Variants in DICER1 observed in about 807,000 individuals in gnomAD.
DICER1 encodes the protein dicer 1, ribonuclease III, also known as endoribonuclease Dicer.
Under a neutral mutation model 194.1 loss-of-function variants are expected in DICER1, and 43 were observed. That is an observed-to-expected ratio of 0.22 (90% CI 0.17 to 0.29). The LOEUF (loss-of-function observed/expected upper bound fraction) is 0.29. Among genes scored for constraint, DICER1 ranks in the 10% least tolerant of loss-of-function variants. The pLI is 1.00. For missense variants in DICER1, 1,608 were observed against 2,317.0 expected, an observed-to-expected ratio of 0.69 and a Z score of 6.28; for synonymous variants, 832 against 820.5, an observed-to-expected ratio of 1.01 and a Z score of -0.24.
At chr14:95,145,900 A>C (rs899542777) in intron 1 of DICER1, among the ~76,000 whole-genome samples, 1 of 152,172 alleles carries the variant, frequency 6.6e-6, no homozygotes, top group African/African-American at 2.4e-5. Flanking sequence ...CACAAAAAAA[A>C]CTTCATATAG....
chr14:95,132,493 T>A, intron 3 of DICER1, 22 bp downstream of exon 3: 1 of 1,612,864 alleles, frequency 6.2e-7, no homozygotes, highest in Non-Finnish European at 8.5e-7. Flanking sequence ...CTGCACAACT[T>A]GATAAAATAA....
chr14:95,114,985 G>A (rs1483930822), intron 11 of DICER1, among the ~76,000 whole-genome samples: 1 of 152,164 alleles, frequency 6.6e-6, no homozygotes, highest in Admixed American at 6.5e-5. Context: ...TGTGACAACA[G>A]GAGTTGAGGA....
chr14:95,107,574 T>C, intron 17 of DICER1, 34 bp downstream of exon 17: 2 of 1,611,126 alleles, frequency 1.2e-6, no homozygotes, highest in Admixed American at 3.3e-5. Context: ...AAACAAAGTA[T>C]CACCACCATT....
chr14:95,153,200 T>C (rs959427749), intron 1 of DICER1, among the ~76,000 whole-genome samples: 2 of 147,488 alleles, frequency 1.4e-5, no homozygotes, highest in African/African-American at 2.6e-5. Context: ...CTGGGCAACG[T>C]AGTGAGACTC....
At chr14:95,112,917 T>G (rs1175247638) in intron 12 of DICER1, among the ~76,000 whole-genome samples, 175 bp downstream of exon 12, 1 of 152,246 alleles carries the variant, frequency 6.6e-6, no homozygotes, top group African/African-American at 2.4e-5. Flanking sequence ...AAATCTACTT[T>G]TGAAAGTAAA....
chr14:95,105,977 G>A lies in DICER1; in HGVS notation c.2987+64C>T. On this transcript the variant is annotated intron_variant, in intron 18 of 26. Coordinates refer to ENST00000343455, the MANE Select transcript of DICER1 (RefSeq NM_177438.3). This position sits in a 1 kb window ranked among gnomAD's most constrained non-coding sequence, Gnocchi z 4.9. ...GCAGGGGGACAGTGAACCTCTGCAT[G>A]TCTAGTGATGTCTGGTAAGAATCCC... The A allele has an allele frequency of 2.6e-6, 4 of 1,555,284 alleles. No individual in the cohort carries two copies. The highest frequency in any genetic ancestry group is 2.2e-5 in the South Asian group (2 of 89,488).
At chr14:95,109,066 G>A (rs980527531) in intron 14 of DICER1, among the ~76,000 whole-genome samples, 2 of 152,102 alleles carry the variant, frequency 1.3e-5, no homozygotes, top group Non-Finnish European at 2.9e-5. Context: ...TGTATATTAG[G>A]GTATGTGTGT....
In DICER1 at chr14:95,093,744, C is replaced by A. The variant is rs141577658; in HGVS notation, c.5364+144G>T. 9.5e-3 allele frequency: 8,417 copies of A among 887,104 alleles called. 62 individuals are homozygous for A. The highest frequency in any genetic ancestry group is 0.016 in the South Asian group (1,226 of 75,388). 55.0% of individuals were successfully genotyped at this position (887,104 alleles called of 1,614,324 possible). A position where few individuals can be genotyped will look rare whatever the true frequency, so the allele number is the denominator to read the frequency against. Reference sequence around the variant, plus strand: ...GCCTACCTGCAAACTGCAGTTCACTCGTGCTCCCACAGAACACAGCACACT... The same window carrying A: ...GCCTACCTGCAAACTGCAGTTCACTAGTGCTCCCACAGAACACAGCACACT... On this transcript the variant is annotated intron_variant, in intron 24 of 26. Transcript: ENST00000343455.
At chr14:95,117,200 G>GT (rs879940261) in intron 9 of DICER1, among the ~76,000 whole-genome samples, 185 of 142,070 alleles carry the variant, frequency 1.3e-3, no homozygotes, top group Admixed American at 3.7e-3. Flanking sequence ...ATATAGTGCT[G>GT]TTTTTTTTTT....
chr14:95,103,918 A>G lies in DICER1; in HGVS notation c.3478T>C (p.Ser1160Pro). 2 of 1,614,130 alleles carry G rather than the reference A, an allele frequency of 1.2e-6. No individual in the cohort carries two copies. The highest frequency in any genetic ancestry group is 1.7e-6 in the Non-Finnish European group (2 of 1,180,028). The change falls in exon 21 of 27, where the codon TCC becomes CCC. Residue 1160 changes from serine to proline, a missense_variant. Ser to Pro is a moderately conservative substitution (Grantham distance 74). Transcript: ENST00000343455. ...SVNCRTLLSESPGKLHVEVSA... is the reference protein window; with the variant it reads ...SVNCRTLLSEPPGKLHVEVSA... ...ACTTCAACGTGGAGCTTACCAGGGG[A>G]CTCGCTGAGCAACGTTCTGCAGTTC...
In DICER1 at chr14:95,105,003, T is replaced by A. The variant is rs563264274; in HGVS notation, c.3269+68A>T. The A allele has an allele frequency of 6.9e-7, 1 of 1,444,576 alleles. No individual in the cohort carries two copies. The highest frequency in any genetic ancestry group is 1.2e-5 in the South Asian group (1 of 86,854). The allele number at this position is 1,444,576 out of a possible 1,614,324, so 89.5% of individuals were successfully genotyped here. ...GAATTATTTTATATACAATTTTAAC[T>A]TAATTCTGTTCTTTTGCAAACAGGA... On this transcript the variant is annotated intron_variant, in intron 20 of 26. Coordinates refer to ENST00000343455, the MANE Select transcript of DICER1 (RefSeq NM_177438.3). The surrounding 1 kb of genome is among the most constrained non-coding windows in gnomAD (Gnocchi z 4.9).
chr14:95,133,486 T>C lies in DICER1; in HGVS notation c.-28A>G. On this transcript the variant is annotated 5_prime_UTR_variant, in exon 2 of 27. Coordinates refer to ENST00000343455, the MANE Select transcript of DICER1 (RefSeq NM_177438.3). Reference sequence around the variant, plus strand: ...ATCCAGTGTTTCTTTCATTGCATTTTTGTTCTAGCACAGCTTACTACAAAA... The same window carrying C: ...ATCCAGTGTTTCTTTCATTGCATTTCTGTTCTAGCACAGCTTACTACAAAA... 6.2e-7 allele frequency: 1 copy of C among 1,601,194 alleles called. No individual in the cohort carries two copies. Among genetic ancestry groups the C allele is most frequent in the Non-Finnish European group, 8.5e-7 (1 of 1,172,814 alleles).
Position 95,126,600 on chromosome 14 carries a change from A to G in DICER1, c.883T>C (p.Ser295Pro). ...CTTACCTGTTTCGAAATTAAAGTAG[A>G]ATCTCTTTCTTTTGAATGTACAGAT... ...NISVHSKERDSTLISKQILSD... is the reference protein window; with the variant it reads ...NISVHSKERDPTLISKQILSD... The change falls in exon 7 of 27, where the codon TCT (serine) becomes CCT (proline). Residue 295 changes from serine (S) to proline (P), a missense_variant. Ser to Pro is a moderately conservative substitution (Grantham distance 74). This residue lies in a region of DICER1 where 657 missense variants were observed against 910.1 expected (regional missense o/e 0.72). Coordinates refer to ENST00000343455, the MANE Select transcript of DICER1 (RefSeq NM_177438.3). The G allele has an allele frequency of 6.5e-7, 1 of 1,536,328 alleles. No homozygotes were observed. The highest frequency in any genetic ancestry group is 9.0e-7 in the Non-Finnish European group (1 of 1,109,640).
chr14:95,092,858 G>C (rs573208792), intron 24 of DICER1, among the ~76,000 whole-genome samples: 9 of 152,300 alleles, frequency 5.9e-5, no homozygotes, highest in Non-Finnish European at 1.0e-4. Context: ...GTAACACTTG[G>C]AAGTCTACGA....
chr14:95,095,940 AT>A lies in DICER1; in HGVS notation c.4979del (p.Asn1660IlefsTer45). On this transcript the variant is annotated frameshift_variant, in exon 23 of 27. Coordinates refer to ENST00000343455, the MANE Select transcript of DICER1 (RefSeq NM_177438.3). LOFTEE classifies it high-confidence loss of function. Reference sequence around the variant, plus strand: ...AATTTTCAAACCCCGATATAAGGTGATTCAGTGTTTTATCTGCATCTGGATG... The same window carrying A: ...AATTTTCAAACCCCGATATAAGGTGATCAGTGTTTTATCTGCATCTGGATG... ...FDHPDADKTLNHLISGFENFE... is the reference protein window; with the variant it reads ...FDHPDADKTLXHLISGFENFE... 6.2e-7 allele frequency: 1 copy of A among 1,614,194 alleles called. No individual in the cohort carries two copies. The highest frequency in any genetic ancestry group is 8.5e-7 in the Non-Finnish European group (1 of 1,180,018).
chr14:95,152,828 T>C (rs1316182442), intron 1 of DICER1, among the ~76,000 whole-genome samples: 2 of 152,186 alleles, frequency 1.3e-5, no homozygotes, highest in African/African-American at 4.8e-5. Flanking sequence ...ACCAGCTACA[T>C]CTCAAAAATA....
chr14:95,151,646 C>CT (rs1233638323), intron 1 of DICER1, among the ~76,000 whole-genome samples: 1 of 152,210 alleles, frequency 6.6e-6, no homozygotes, highest in East Asian at 1.9e-4. Flanking sequence ...TGACGCCAAA[C>CT]ACTTGCTCTT....
chr14:95,153,245 T>A (rs950117550), intron 1 of DICER1, among the ~76,000 whole-genome samples: 11 of 151,906 alleles, frequency 7.2e-5, no homozygotes, highest in African/African-American at 1.7e-4. Context: ...GGGTGAGAAT[T>A]CCTATTTGGA....
At chr14:95,104,673 A>G (rs556917488) in intron 20 of DICER1, among the ~76,000 whole-genome samples, 1 of 152,352 alleles carries the variant, frequency 6.6e-6, no homozygotes, top group African/African-American at 2.4e-5. Context: ...GATATTGCCA[A>G]TTGGATAACC....
Sources: allele counts gnomAD v4.1 joint callset (sites outside exome capture counted in the v4.1 genomes callset), GRCh38; gene constraint gnomAD v4.1.1; regional missense constraint gnomAD v4.1.1; non-coding constraint Gnocchi (gnomAD v3.1); transcripts MANE v1.5; gene names NCBI Gene and HGNC (gene_info 2026-07-23, HGNC 2026-07-21).